FOXN3: variants seen among roughly 807,000 people sequenced by gnomAD.
FOXN3 encodes the protein forkhead box N3.
In FOXN3, 7 loss-of-function variants were observed where a neutral mutation model predicts 38.4. That is an observed-to-expected ratio of 0.18 (90% CI 0.10 to 0.34). The LOEUF (loss-of-function observed/expected upper bound fraction) is 0.34. FOXN3 is among the 10% of genes least tolerant of loss of function. The probability of loss-of-function intolerance (pLI) is 1.00; values close to 1 mark genes in which losing one functional copy is unlikely to be tolerated. For missense variants in FOXN3, 456 were observed against 613.4 expected, an observed-to-expected ratio of 0.74 and a Z score of 2.71; for synonymous variants, 230 against 242.2, an observed-to-expected ratio of 0.95 and a Z score of 0.47.
At chr14:89,322,767 C>G (rs544589647) in intron 3 of FOXN3, among the ~76,000 whole-genome samples, 1 of 152,164 alleles carries the variant, frequency 6.6e-6, no homozygotes, top group South Asian at 2.1e-4. Flanking sequence ...AAGAAGGAGG[C>G]CAAGTGGGAG....
chr14:89,471,156 T>G (rs1893087133), intron 1 of FOXN3, among the ~76,000 whole-genome samples: 1 of 152,200 alleles, frequency 6.6e-6, no homozygotes, highest in Non-Finnish European at 1.5e-5. Context: ...ACAGTATGTT[T>G]GCTTGAGTGG....
At chr14:89,416,829 C>A (rs1394163144) in intron 1 of FOXN3, 42 bp downstream of exon 1, 2 of 151,972 alleles carry the variant, frequency 1.3e-5, no homozygotes, top group African/African-American at 4.8e-5. Flanking sequence ...GGGTGCCCCC[C>A]GAGCCCACGC....
At chr14:89,581,429 C>T (rs905549334) in intron 1 of FOXN3, among the ~76,000 whole-genome samples, 1 of 151,634 alleles carries the variant, frequency 6.6e-6, no homozygotes. Context: ...TTGCAGTGAG[C>T]CAAGATCGTG....
At position 89,354,529 on chromosome 14, in the gene FOXN3, G is replaced by A. The variant is rs551011966; in HGVS notation, c.544-3721C>T. ...GGCGTGAGCCACTGCGCCCGGCCGT[G>A]GAGTGCTTTTTATTAAAAAAAAAAA... On this transcript the variant is annotated intron_variant, in intron 2 of 5. Coordinates refer to ENST00000557258, the MANE Select transcript of FOXN3 (RefSeq NM_005197.4). Among the ~76,000 whole-genome samples, 6 of 146,612 alleles carry A rather than the reference G, an allele frequency of 4.1e-5. No individual in the cohort carries two copies. In the South Asian group the frequency reaches 1.3e-3, roughly 32 times the overall value.
chr14:89,580,211 G>A (rs377216468), intron 1 of FOXN3, among the ~76,000 whole-genome samples: 104 of 152,154 alleles, frequency 6.8e-4, no homozygotes, highest in African/African-American at 2.4e-3. Flanking sequence ...ACTTGTATTC[G>A]GCTCTTCCAC....
intron 1 of FOXN3, among the ~76,000 whole-genome samples, chr14:89,520,856 C>T (rs1244478937): frequency 6.6e-6 from 1 of 152,132 alleles, no homozygotes; most frequent in Non-Finnish European, 1.5e-5. Flanking sequence ...TTGTAATTAA[C>T]AGACAAAGAT....
intron 2 of FOXN3, among the ~76,000 whole-genome samples, chr14:89,373,135 T>C (rs12587290): frequency 0.25 from 37,725 of 151,962 alleles, 4,994 homozygotes; most frequent in South Asian, 0.4. Flanking sequence ...CACTGCACTC[T>C]GACCTGGGCA....
At chr14:89,532,471 A>C (rs944724313) in intron 1 of FOXN3, among the ~76,000 whole-genome samples, 4 of 152,142 alleles carry the variant, frequency 2.6e-5, no homozygotes, top group African/African-American at 4.8e-5. Flanking sequence ...TCACAACCAT[A>C]TTTTTTAAAA....
intron 1 of FOXN3, among the ~76,000 whole-genome samples, chr14:89,468,906 A>C (rs1183655397): frequency 6.6e-6 from 1 of 152,154 alleles, no homozygotes; most frequent in African/African-American, 2.4e-5. Flanking sequence ...TGCATCATAC[A>C]TTTTGAGAGA....
chr14:89,404,212 C>G (rs1189213620), intron 2 of FOXN3, among the ~76,000 whole-genome samples: 1 of 152,026 alleles, frequency 6.6e-6, no homozygotes, highest in Non-Finnish European at 1.5e-5. Context: ...CTGGAAGGAA[C>G]AAATCAGCAG....
chr14:89,358,087 A>C (rs1050268706), intron 2 of FOXN3, among the ~76,000 whole-genome samples: 1 of 151,838 alleles, frequency 6.6e-6, no homozygotes, highest in Non-Finnish European at 1.5e-5. Context: ...GGCCAGGTCC[A>C]ACGGCTTCTC....
At position 89,159,971 on chromosome 14, in the gene FOXN3, G is replaced by A. The variant is rs1218127820; in HGVS notation, c.*2443C>T. On this transcript the variant is annotated 3_prime_UTR_variant, in exon 6 of 6. Transcript: ENST00000557258. ...TCATCAGCAACCCACCGGAAGGTAA[G>A]TGTGGGGAATGCACCAGTTAGTTCC... is the stretch of plus-strand genomic sequence containing the variant. 2.6e-5 allele frequency: 4 copies of A among 152,222 alleles called. No homozygotes were observed. Among genetic ancestry groups the A allele is most frequent in the Admixed American group, 2.6e-4 (4 of 15,282 alleles). The allele number at this position is 152,222 out of a possible 1,614,324, so 9.4% of individuals were successfully genotyped here.
rs1886988088 is a variant in FOXN3, at chr14:89,156,661, A to G, written c.*5753T>C. On this transcript the variant is annotated 3_prime_UTR_variant, in exon 6 of 6. Transcript: ENST00000557258. Reference sequence around the variant, plus strand: ...TTTTTTTTTTTTTCTGTAAAACAAAACAAAACTCAGAAATGTTACAGAATC... The same window carrying G: ...TTTTTTTTTTTTTCTGTAAAACAAAGCAAAACTCAGAAATGTTACAGAATC... 1 of 152,094 alleles carries G rather than the reference A, an allele frequency of 6.6e-6. No individual in the cohort carries two copies. The highest frequency in any genetic ancestry group is 2.4e-5 in the African/African-American group (1 of 41,388). 9.4% of individuals were successfully genotyped at this position (152,094 alleles called of 1,614,324 possible).
Position 89,412,228 on chromosome 14 carries a change from A to G in FOXN3, c.249T>C (p.Ser83=). 1 of 1,613,766 alleles carries G rather than the reference A, an allele frequency of 6.2e-7. No homozygotes were observed. The change falls in exon 2 of 6, where the codon AGT becomes AGC. Residue 83 remains serine, a synonymous_variant. Transcript: ENST00000557258. The surrounding 1 kb of genome is among the most constrained non-coding windows in gnomAD (Gnocchi z 4.7). ...LKSFGESVLR[S]VSPVQDLDDD... is the part of the protein sequence containing the mutation. ...CGTCCAGGTCCTGGACGGGGCTGAC[A>G]CTCCTGAGGACCGACTCCCCAAAGC...
At chr14:89,266,866 G>A (rs890494462) in intron 4 of FOXN3, among the ~76,000 whole-genome samples, 1 of 152,072 alleles carries the variant, frequency 6.6e-6, no homozygotes, top group African/African-American at 2.4e-5. Context: ...AAACAAAAGA[G>A]ACGCCATTGT....
At chr14:89,269,307 C>T (rs1423644295) in intron 4 of FOXN3, among the ~76,000 whole-genome samples, 1 of 152,130 alleles carries the variant, frequency 6.6e-6, no homozygotes, top group African/African-American at 2.4e-5. Context: ...CCTTCAATGA[C>T]TTTGTAAAGT....
At chr14:89,581,197 A>G (rs998813420) in intron 1 of FOXN3, among the ~76,000 whole-genome samples, 3 of 151,864 alleles carry the variant, frequency 2.0e-5, no homozygotes, top group Non-Finnish European at 4.4e-5. Context: ...CAAAAACAAA[A>G]AAGGCTGGGT....
chr14:89,557,738 G>A (rs1421182484), intron 1 of FOXN3, among the ~76,000 whole-genome samples: 1 of 152,204 alleles, frequency 6.6e-6, no homozygotes, highest in African/African-American at 2.4e-5. Flanking sequence ...GGGCACGGTG[G>A]CTCACAACTG....
intron 1 of FOXN3, among the ~76,000 whole-genome samples, chr14:89,466,614 C>CAGCA (rs1031315897): frequency 6.6e-6 from 1 of 152,148 alleles, no homozygotes; most frequent in African/African-American, 2.4e-5. Context: ...CCACCCGCAG[C>CAGCA]AGCAGTTACA....
Sources: allele counts gnomAD v4.1 joint callset (sites outside exome capture counted in the v4.1 genomes callset), GRCh38; gene constraint gnomAD v4.1.1; non-coding constraint Gnocchi (gnomAD v3.1); transcripts MANE v1.5; gene names NCBI Gene and HGNC (gene_info 2026-07-23, HGNC 2026-07-21).